KIRREL1: variants seen among roughly 807,000 people sequenced by gnomAD.
KIRREL1 encodes kirre like nephrin family adhesion molecule 1.
A neutral mutation model predicts 83.3 loss-of-function variants in KIRREL1; 25 were observed. The ratio of observed to expected loss-of-function variants is 0.30; its 90% confidence interval spans 0.22 to 0.42. KIRREL1 has a LOEUF of 0.42. KIRREL1 is among the 10% of genes least tolerant of loss of function. KIRREL1 has a pLI of 1.00. For synonymous variants in KIRREL1, 388 were observed against 410.4 expected, an observed-to-expected ratio of 0.95 and a Z score of 0.66; for missense variants, 812 against 1,032.3, an observed-to-expected ratio of 0.79 and a Z score of 2.92.
At chr1:158,051,393 A>G (rs1192042147) in intron 1 of KIRREL1, among the ~76,000 whole-genome samples, 1 of 152,234 alleles carries the variant, frequency 6.6e-6, no homozygotes, top group Non-Finnish European at 1.5e-5. Flanking sequence ...TCATGGTCAC[A>G]CAATGAACAC....
At chr1:158,063,864 C>G (rs895152506) in intron 1 of KIRREL1, among the ~76,000 whole-genome samples, 2 of 152,168 alleles carry the variant, frequency 1.3e-5, no homozygotes, top group African/African-American at 4.8e-5. Context: ...TGGCCGCTGT[C>G]GCACTGTATG....
At chr1:157,995,276 C>G (rs1225405825) in intron 1 of KIRREL1, among the ~76,000 whole-genome samples, 1 of 152,214 alleles carries the variant, frequency 6.6e-6, no homozygotes, top group Non-Finnish European at 1.5e-5. Flanking sequence ...GCACCCATGC[C>G]AGCCCCCCAG....
chr1:158,073,461 C>A (rs1353276984), intron 1 of KIRREL1, among the ~76,000 whole-genome samples: 1 of 152,228 alleles, frequency 6.6e-6, no homozygotes. Flanking sequence ...GCATAGCATA[C>A]ACCTCATCTC....
chr1:158,075,133 G>T (rs1012578928), intron 1 of KIRREL1, among the ~76,000 whole-genome samples: 6 of 152,296 alleles, frequency 3.9e-5, no homozygotes, highest in Admixed American at 1.3e-4. Context: ...GCCTAGGCCT[G>T]CCCCACCACT....
At chr1:158,087,680 A>G in intron 5 of KIRREL1, 75 bp from the exon 6 acceptor site, 4 of 1,032,664 alleles carry the variant, frequency 3.9e-6, no homozygotes, top group Non-Finnish European at 5.8e-6. Context: ...GTCAGGTCTG[A>G]ATGTACGTGT....
chr1:158,036,958 AC>A (rs1660491679), intron 1 of KIRREL1, among the ~76,000 whole-genome samples: 1 of 152,086 alleles, frequency 6.6e-6, no homozygotes, highest in Admixed American at 6.5e-5. Flanking sequence ...GGAGTGAACC[AC>A]CCGGAGTCTT....
rs1448986809 is a variant in KIRREL1, at chr1:158,098,721, TG to T, written c.*3604del. On this transcript the variant is annotated 3_prime_UTR_variant, in exon 15 of 15. Coordinates refer to ENST00000359209, the MANE Select transcript of KIRREL1 (RefSeq NM_018240.7). ...AGTGAGAAAGGAAAGGGGCCAGGGA[TG>T]GGAGCAGTGCTGTGCTGTTATCACT... 6.6e-6 allele frequency: 1 copy of T among 152,242 alleles called. No homozygotes were observed. The highest frequency in any genetic ancestry group is 2.4e-5 in the African/African-American group (1 of 41,456). The allele number at this position is 152,242 out of a possible 1,614,324, so 9.4% of individuals were successfully genotyped here.
intron 1 of KIRREL1, among the ~76,000 whole-genome samples, chr1:158,035,440 C>T (rs916543677): frequency 5.9e-5 from 9 of 152,146 alleles, no homozygotes; most frequent in East Asian, 1.9e-4. Context: ...AAGACCTTGC[C>T]CTGAACAGTA....
At chr1:158,039,064 A>T (rs1660553961) in intron 1 of KIRREL1, among the ~76,000 whole-genome samples, 1 of 152,156 alleles carries the variant, frequency 6.6e-6, no homozygotes. Context: ...GGCACGCTGG[A>T]CCGGAGACTT....
chr1:158,029,887 T>C (rs1325817666), intron 1 of KIRREL1, among the ~76,000 whole-genome samples: 2 of 152,236 alleles, frequency 1.3e-5, no homozygotes, highest in African/African-American at 4.8e-5. Flanking sequence ...TGTATTTTTG[T>C]TAAATTTTTA....
rs1662268257 is a variant in KIRREL1, at chr1:158,093,705, G to A, written c.1662G>A (p.Arg554=). The A allele has an allele frequency of 2.5e-6, 4 of 1,614,174 alleles. No individual in the cohort carries two copies. Among genetic ancestry groups the A allele is most frequent in the South Asian group, 2.2e-5 (2 of 91,082 alleles). The change falls in exon 13 of 15, where the codon CGG becomes CGA. Residue 554 remains arginine (R), a synonymous_variant. Coordinates refer to ENST00000359209, the MANE Select transcript of KIRREL1 (RefSeq NM_018240.7). ...NREPLTMHSD[R]EDDTASVSTA... Reference sequence around the variant, plus strand: ...AGCCACTTACGATGCATTCTGACCGGGAGGATGACACCGCCAGCGTCTCCA... The same window carrying A: ...AGCCACTTACGATGCATTCTGACCGAGAGGATGACACCGCCAGCGTCTCCA...
chr1:158,033,829 A>T (rs969382775), intron 1 of KIRREL1, among the ~76,000 whole-genome samples: 2 of 151,968 alleles, frequency 1.3e-5, no homozygotes. Context: ...AAAATACAAA[A>T]ATTAGCCAGG....
chr1:157,995,666 T>C (rs1203938245), intron 1 of KIRREL1, among the ~76,000 whole-genome samples: 1 of 152,124 alleles, frequency 6.6e-6, no homozygotes, highest in African/African-American at 2.4e-5. Context: ...GTGGATTGAA[T>C]TGGGGACAGA....
At chr1:158,008,389 C>T (rs1659579903) in intron 1 of KIRREL1, among the ~76,000 whole-genome samples, 1 of 152,140 alleles carries the variant, frequency 6.6e-6, no homozygotes, top group South Asian at 2.1e-4. Flanking sequence ...CAGGCTTTAT[C>T]CCCGGAGCTC....
chr1:157,996,632 C>A (rs1008474527), intron 1 of KIRREL1, among the ~76,000 whole-genome samples: 9 of 152,154 alleles, frequency 5.9e-5, no homozygotes, highest in Admixed American at 2.6e-4. Flanking sequence ...CAGAGAACAG[C>A]AGGTCTGGAG....
intron 1 of KIRREL1, among the ~76,000 whole-genome samples, chr1:158,010,907 G>A (rs892235236): frequency 6.6e-6 from 1 of 152,172 alleles, no homozygotes; most frequent in African/African-American, 2.4e-5. Context: ...GAGAGAGAGA[G>A]AAAATAAGCC....
intron 1 of KIRREL1, among the ~76,000 whole-genome samples, chr1:158,057,183 C>T (rs539049929): frequency 2.0e-5 from 3 of 152,076 alleles, no homozygotes; most frequent in Admixed American, 6.5e-5. Context: ...TGGCCTAACA[C>T]GAAGAGAGCT....
At chr1:157,999,580 G>A (rs1659298336) in intron 1 of KIRREL1, among the ~76,000 whole-genome samples, 1 of 152,100 alleles carries the variant, frequency 6.6e-6, no homozygotes, top group South Asian at 2.1e-4. Flanking sequence ...TCCATCTGAG[G>A]CTAGAGACAT....
Position 158,091,387 on chromosome 1 carries a change from G to A in KIRREL1, c.1302G>A (p.Glu434=). 6.2e-7 allele frequency: 1 copy of A among 1,614,140 alleles called. No homozygotes were observed. Among genetic ancestry groups the A allele is most frequent in the Non-Finnish European group, 8.5e-7 (1 of 1,180,022 alleles). Residue 434 remains glutamate (E), a synonymous_variant, in exon 11 of 15, where the codon GAG becomes GAA. Coordinates refer to ENST00000359209, the MANE Select transcript of KIRREL1 (RefSeq NM_018240.7). The stretch of plus-strand genomic sequence containing the variant: ...GGGCCTGGAAGGAGAACTTCTTGGA[G>A]GTGGGGACCCTGGAACGCTATACAG... ...IAWAWKENFL[E]VGTLERYTVE... is the part of the protein sequence containing the mutation.
Sources: allele counts gnomAD v4.1 joint callset (sites outside exome capture counted in the v4.1 genomes callset), GRCh38; gene constraint gnomAD v4.1.1; transcripts MANE v1.5; gene names NCBI Gene and HGNC (gene_info 2026-07-23, HGNC 2026-07-21).